The following SIPA1L1 variants were observed in gnomAD, a reference collection of about 807,000 sequenced individuals.
SIPA1L1 encodes signal-induced proliferation-associated 1-like protein 1.
SIPA1L1 carries 26 observed loss-of-function variants against 162.7 expected under a neutral mutation model. The ratio of observed to expected loss-of-function variants is 0.16; its 90% CI spans 0.12 to 0.22. SIPA1L1 has a LOEUF of 0.22. Ranked by LOEUF, SIPA1L1 falls within the 10% of genes least tolerant of loss-of-function variation. The pLI, the probability that SIPA1L1 is intolerant of heterozygous loss-of-function variation, is 1.00. For synonymous variants in SIPA1L1, 829 were observed against 837.4 expected, an observed-to-expected ratio of 0.99 and a Z score of 0.17; for missense variants, 1,874 against 2,241.0, an observed-to-expected ratio of 0.84 and a Z score of 3.31.
At chr14:71,527,726 C>T (rs1221042331) in intron 3 of SIPA1L1, among the ~76,000 whole-genome samples, 1 of 152,178 alleles carries the variant, frequency 6.6e-6, no homozygotes, top group African/African-American at 2.4e-5. Flanking sequence ...TTTGTGGATA[C>T]ATGGACAGTG....
chr14:71,360,360 A>G (rs995643446), intron 2 of SIPA1L1, among the ~76,000 whole-genome samples: 1 of 152,230 alleles, frequency 6.6e-6, no homozygotes, highest in Non-Finnish European at 1.5e-5. Context: ...AATACTATAG[A>G]AATCAGATAT....
At chr14:71,539,877 A>G (rs1003546471) in intron 4 of SIPA1L1, among the ~76,000 whole-genome samples, 9 of 152,344 alleles carry the variant, frequency 5.9e-5, no homozygotes, top group Admixed American at 1.3e-4. Flanking sequence ...TACTGTAGCT[A>G]GAAAGCAGAA....
chr14:71,408,436 G>A (rs1416640129), intron 2 of SIPA1L1, among the ~76,000 whole-genome samples: 2 of 152,084 alleles, frequency 1.3e-5, no homozygotes, highest in Admixed American at 1.3e-4. Context: ...TCTGTCTCCT[G>A]TCCCCCAGTT....
chr14:71,363,665 A>C (rs893754733), intron 2 of SIPA1L1, among the ~76,000 whole-genome samples: 1 of 152,232 alleles, frequency 6.6e-6, no homozygotes, highest in South Asian at 2.1e-4. Context: ...TTGGCAACTG[A>C]GTAAATAATC....
At chr14:71,570,117 C>G (rs1348400062) in intron 4 of SIPA1L1, among the ~76,000 whole-genome samples, 3 of 152,076 alleles carry the variant, frequency 2.0e-5, no homozygotes, top group Non-Finnish European at 4.4e-5. Context: ...AGTGTTTTCC[C>G]CTCTATCCAG....
At chr14:71,674,036 T>C (rs1943851505) in intron 12 of SIPA1L1, among the ~76,000 whole-genome samples, 1 of 152,256 alleles carries the variant, frequency 6.6e-6, no homozygotes, top group Admixed American at 6.5e-5. Flanking sequence ...CTGCTGTCTC[T>C]CCTTCAAATT....
chr14:71,345,625 G>A (rs2036080937), intron 2 of SIPA1L1, among the ~76,000 whole-genome samples: 1 of 149,602 alleles, frequency 6.7e-6, no homozygotes, highest in African/African-American at 2.5e-5. Context: ...CCAGGCTGGA[G>A]TGCAGTGGCG....
intron 2 of SIPA1L1, among the ~76,000 whole-genome samples, chr14:71,449,760 A>G (rs1156907310): frequency 1.3e-5 from 2 of 152,298 alleles, no homozygotes; most frequent in Admixed American, 6.5e-5. Context: ...TATTAATGTT[A>G]TTATGAATTC....
intron 2 of SIPA1L1, among the ~76,000 whole-genome samples, chr14:71,432,648 T>TG (rs1307119177): frequency 6.6e-6 from 1 of 152,034 alleles, no homozygotes. Flanking sequence ...CAGCAGAGAG[T>TG]GGGACTGAGA....
intron 2 of SIPA1L1, among the ~76,000 whole-genome samples, chr14:71,404,676 T>C (rs1298139042): frequency 6.6e-6 from 1 of 152,266 alleles, no homozygotes; most frequent in East Asian, 1.9e-4. Flanking sequence ...GTATTAACTA[T>C]TAATTTGTTA....
At chr14:71,515,311 C>CTTA (rs1357755997) in intron 3 of SIPA1L1, among the ~76,000 whole-genome samples, 1 of 152,202 alleles carries the variant, frequency 6.6e-6, no homozygotes, top group Non-Finnish European at 1.5e-5. Flanking sequence ...AGCTGATACC[C>CTTA]TTAGTACATA....
At chr14:71,666,974 C>T (rs567100859) in intron 10 of SIPA1L1, among the ~76,000 whole-genome samples, 1 of 152,152 alleles carries the variant, frequency 6.6e-6, no homozygotes, top group South Asian at 2.1e-4. Flanking sequence ...TATTTCAAGC[C>T]TCAATTAATC....
chr14:71,636,475 GA>G (rs757805952), intron 7 of SIPA1L1, among the ~76,000 whole-genome samples: 1 of 152,088 alleles, frequency 6.6e-6, no homozygotes, highest in African/African-American at 2.4e-5. Context: ...CAAGGGAAAT[GA>G]AAAAATGTAT....
At chr14:71,508,317 A>G (rs1448842439) in intron 2 of SIPA1L1, among the ~76,000 whole-genome samples, 1 of 152,150 alleles carries the variant, frequency 6.6e-6, no homozygotes, top group African/African-American at 2.4e-5. Context: ...GTGGCACTTT[A>G]AGTTTGGTAT....
intron 2 of SIPA1L1, among the ~76,000 whole-genome samples, chr14:71,417,948 C>T (rs543301023): frequency 6.6e-6 from 1 of 152,190 alleles, no homozygotes; most frequent in Admixed American, 6.5e-5. Context: ...TTTTATTATC[C>T]AAAGCCCATT....
chr14:71,446,894 GTTTTTTTTTTTGTT>G (rs1349894444), intron 2 of SIPA1L1, among the ~76,000 whole-genome samples: 3,948 of 87,310 alleles, frequency 0.045, 146 homozygotes, highest in South Asian at 0.074. Context: ...GATGGGCTCT[GTTTTTTTTTTTGTT>G]TTTTTTTTTT....
chr14:71,643,087 A>G (rs2041868589), intron 7 of SIPA1L1, among the ~76,000 whole-genome samples: 1 of 152,202 alleles, frequency 6.6e-6, no homozygotes, highest in African/African-American at 2.4e-5. Context: ...TAGTTGAGGA[A>G]ATAGTTCCAG....
At chr14:71,727,727 G>C (rs1465477797) in intron 19 of SIPA1L1, among the ~76,000 whole-genome samples, 1 of 152,244 alleles carries the variant, frequency 6.6e-6, no homozygotes, top group Non-Finnish European at 1.5e-5. Flanking sequence ...GCGCTCCTGG[G>C]CAATCCCAGG....
intron 2 of SIPA1L1, among the ~76,000 whole-genome samples, chr14:71,421,185 C>T (rs1286017124): frequency 6.6e-6 from 1 of 152,078 alleles, no homozygotes; most frequent in East Asian, 1.9e-4. Context: ...TTATACTTAA[C>T]GATTGAATGA....
Sources: gnomAD v4.1 joint callset for allele counts (sites outside exome capture counted in the v4.1 genomes callset) on GRCh38, gnomAD v4.1.1 for gene constraint, MANE v1.5 for transcripts, NCBI Gene and HGNC (gene_info 2026-07-23, HGNC 2026-07-21) for gene names.